Variants in SNTB2 observed in about 807,000 individuals in gnomAD.
SNTB2 encodes beta-2-syntrophin.
In SNTB2, 34 loss-of-function variants were observed where a neutral mutation model predicts 46.2. The ratio of observed to expected loss-of-function variants is 0.74; its 90% CI spans 0.56 to 0.98. The LOEUF (loss-of-function observed/expected upper bound fraction) is 0.98. SNTB2 is among the 50% of genes least tolerant of loss of function. SNTB2 has a pLI of 0.00. For synonymous variants in SNTB2, 290 were observed against 312.6 expected, an observed-to-expected ratio of 0.93 and a Z score of 0.76; for missense variants, 603 against 731.4, an observed-to-expected ratio of 0.82 and a Z score of 2.02.
intron 1 of SNTB2, among the ~76,000 whole-genome samples, chr16:69,189,474 G>T (rs545726465): frequency 1.2e-4 from 18 of 152,306 alleles, no homozygotes; most frequent in African/African-American, 4.3e-4. Flanking sequence ...AAACCTTTTG[G>T]CCAGGCGTGG....
intron 1 of SNTB2, among the ~76,000 whole-genome samples, chr16:69,238,084 A>G (rs374897303): frequency 1.3e-5 from 2 of 151,944 alleles, no homozygotes; most frequent in African/African-American, 4.8e-5. Context: ...TCTGTCCCGG[A>G]CGCTGACCTG....
At chr16:69,252,605 C>T (rs888622041) in intron 2 of SNTB2, among the ~76,000 whole-genome samples, 7 of 152,164 alleles carry the variant, frequency 4.6e-5, no homozygotes, top group Non-Finnish European at 1.0e-4. Context: ...CTAAGTTGAA[C>T]ACATAAGTTA....
At chr16:69,210,995 A>T (rs1043939612) in intron 1 of SNTB2, among the ~76,000 whole-genome samples, 4 of 151,964 alleles carry the variant, frequency 2.6e-5, no homozygotes, top group African/African-American at 9.7e-5. Context: ...CGTCTCAAAA[A>T]TATATATATA....
At chr16:69,246,171 C>T (rs1231279722) in intron 2 of SNTB2, among the ~76,000 whole-genome samples, 5 of 152,044 alleles carry the variant, frequency 3.3e-5, no homozygotes, top group African/African-American at 9.7e-5. Flanking sequence ...GAAAGAAGTC[C>T]ATTCAGTATG....
intron 1 of SNTB2, 51 bp from the exon 2 acceptor site, chr16:69,245,551 A>G (rs999983129): frequency 1.3e-6 from 2 of 1,547,412 alleles, no homozygotes; most frequent in Non-Finnish European, 1.8e-6. Context: ...GTTATCATTT[A>G]TTATAGGAAG....
chr16:69,198,577 C>A (rs567330204), intron 1 of SNTB2, among the ~76,000 whole-genome samples: 2 of 152,284 alleles, frequency 1.3e-5, no homozygotes, highest in African/African-American at 4.8e-5. Flanking sequence ...CATATCCTCT[C>A]CTACTTCTTC....
At position 69,288,515 on chromosome 16, in the gene SNTB2, T is replaced by C. The variant is rs538012399; in HGVS notation, c.1345+4271T>C. Among the ~76,000 whole-genome samples, 5 of 152,294 alleles carry C rather than the reference T, an allele frequency of 3.3e-5. No individual in the cohort carries two copies. In the East Asian group the frequency reaches 9.6e-4, roughly 29 times the overall value. On this transcript the variant is annotated intron_variant, in intron 5 of 6. Transcript: ENST00000336278. Reference sequence around the variant, plus strand: ...TTACCTTGGTAACTGTTAGAGTAGCTAATATTCAAAAGACAAAAAATAACA... The same window carrying C: ...TTACCTTGGTAACTGTTAGAGTAGCCAATATTCAAAAGACAAAAAATAACA...
At chr16:69,187,780 G>C (rs1964008673) in intron 1 of SNTB2, 34 bp downstream of exon 1, 3 of 1,327,038 alleles carry the variant, frequency 2.3e-6, no homozygotes, top group Non-Finnish European at 2.9e-6. Context: ...TGGGCAGGCC[G>C]CGGCGGCCTG....
intron 4 of SNTB2, among the ~76,000 whole-genome samples, chr16:69,271,984 TACAG>T (rs1809518394): frequency 1.3e-5 from 2 of 152,190 alleles, no homozygotes; most frequent in South Asian, 2.1e-4. Flanking sequence ...AGGGAAAAGA[TACAG>T]ACAAGATTTA....
At chr16:69,223,532 T>C (rs1251139827) in intron 1 of SNTB2, among the ~76,000 whole-genome samples, 1 of 152,024 alleles carries the variant, frequency 6.6e-6, no homozygotes, top group Non-Finnish European at 1.5e-5. Context: ...AGTCTCTTTA[T>C]GGTTTTCACC....
At chr16:69,202,154 GT>G (rs1597170276) in intron 1 of SNTB2, among the ~76,000 whole-genome samples, 2 of 152,162 alleles carry the variant, frequency 1.3e-5, no homozygotes, top group African/African-American at 4.8e-5. Context: ...GTCACTTACT[GT>G]TTAATGAAGG....
chr16:69,241,229 T>G (rs544472280), intron 1 of SNTB2, among the ~76,000 whole-genome samples: 1 of 125,416 alleles, frequency 8.0e-6, no homozygotes, highest in Admixed American at 1.0e-4. Flanking sequence ...CAGGCTGGAG[T>G]GCAGTGGCAC....
At chr16:69,213,811 A>G (rs114102082) in intron 1 of SNTB2, among the ~76,000 whole-genome samples, 3,154 of 122,376 alleles carry the variant, frequency 0.026, 118 homozygotes, top group African/African-American at 0.092. Flanking sequence ...AAATACTATC[A>G]TTTTAGAGTT....
chr16:69,302,738 T>A lies in SNTB2; in HGVS notation c.*1814T>A, dbSNP rs1303186553. 1 of 152,222 alleles carries A rather than the reference T, an allele frequency of 6.6e-6. No homozygotes were observed. The highest frequency in any genetic ancestry group is 1.9e-4 in the East Asian group (1 of 5,206). The allele number at this position is 152,222 out of a possible 1,614,324, so 9.4% of individuals were successfully genotyped here. A position where few individuals can be genotyped will look rare whatever the true frequency, so the allele number is the denominator to read the frequency against. ...GATGCCTGTTCTTCCCCCAGCTTCA[T>A]ATAATTGTCAAAGTTCCAAAAATGA... On this transcript the variant is annotated 3_prime_UTR_variant, in exon 7 of 7. Transcript: ENST00000336278.
At chr16:69,239,751 G>A (rs909741866) in intron 1 of SNTB2, among the ~76,000 whole-genome samples, 5 of 151,986 alleles carry the variant, frequency 3.3e-5, no homozygotes, top group African/African-American at 1.2e-4. Context: ...CACCATGTTG[G>A]CCAGGCTGGT....
At chr16:69,225,695 T>G (rs1964451800) in intron 1 of SNTB2, among the ~76,000 whole-genome samples, 1 of 152,194 alleles carries the variant, frequency 6.6e-6, no homozygotes, top group Non-Finnish European at 1.5e-5. Flanking sequence ...AGGACAAGAT[T>G]TGTGTGTCAA....
chr16:69,257,882 C>G (rs1159456161), intron 2 of SNTB2, among the ~76,000 whole-genome samples: 1 of 152,212 alleles, frequency 6.6e-6, no homozygotes. Context: ...CTTTTTTCAT[C>G]ACTGTATCTC....
Position 69,187,234 on chromosome 16 carries a change from C to T in SNTB2, c.68C>T (p.Thr23Ile). 1 of 1,459,610 alleles carries T rather than the reference C, an allele frequency of 6.9e-7. No individual in the cohort carries two copies. Among genetic ancestry groups the T allele is most frequent in the Non-Finnish European group, 9.0e-7 (1 of 1,108,178 alleles). The allele number at this position is 1,459,610 out of a possible 1,614,324, so 90.4% of individuals were successfully genotyped here. ...GCCATGGCGGTGTGGACGCGGGCCACCAAAGCGGGGCTGGTGGAGCTGCTC... is the reference window on the plus strand; with the variant it reads ...GCCATGGCGGTGTGGACGCGGGCCATCAAAGCGGGGCTGGTGGAGCTGCTC... ...GPAMAVWTRA[T>I]KAGLVELLLR... Residue 23 changes from threonine to isoleucine, a missense_variant, in exon 1 of 7, where the codon ACC becomes ATC. Around this residue, in one of 2 missense-constraint regions of SNTB2, gnomAD observed 66 missense variants for 39.0 expected, o/e 1.69. Transcript: ENST00000336278.
chr16:69,269,326 G>T (rs903041964), intron 3 of SNTB2, among the ~76,000 whole-genome samples: 5 of 151,458 alleles, frequency 3.3e-5, no homozygotes, highest in Non-Finnish European at 7.4e-5. Flanking sequence ...AGACCATCCC[G>T]GCCAACATGG....
Sources: allele counts gnomAD v4.1 joint callset (sites outside exome capture counted in the v4.1 genomes callset), GRCh38; gene constraint gnomAD v4.1.1; regional missense constraint gnomAD v4.1.1; transcripts MANE v1.5; gene names NCBI Gene and HGNC (gene_info 2026-07-23, HGNC 2026-07-21).